RNLS: variants seen among roughly 807,000 people sequenced by gnomAD.
The protein encoded by RNLS is renalase.
RNLS carries 39 observed loss-of-function variants against 39.8 expected under a neutral mutation model. That is an observed-to-expected ratio of 0.98 (90% CI 0.76 to 1.28). The LOEUF is 1.28. RNLS is among the 50% of genes most tolerant of loss of function. RNLS has a pLI of 0.00. For missense variants in RNLS, 410 were observed against 413.3 expected (o/e 0.99, Z 0.07); for synonymous variants, 147 against 150.7 (o/e 0.98, Z 0.18).
At chr10:88,198,258 A>C in the RNLS span, among the ~76,000 whole-genome samples, 1 of 152,206 alleles carries the variant, frequency 6.6e-6, no homozygotes, top group Non-Finnish European at 1.5e-5. Context: ...ACCTGATGCC[A>C]AGAGAGCAGA....
chr10:88,377,020 C>T (rs1042433453), intron 4 of RNLS, among the ~76,000 whole-genome samples: 2 of 148,206 alleles, frequency 1.3e-5, no homozygotes, highest in South Asian at 2.1e-4. Context: ...ATTCATTAAA[C>T]GTAGTGAATT....
At chr10:88,204,949 T>C in the RNLS span, among the ~76,000 whole-genome samples, 86 of 152,252 alleles carry the variant, frequency 5.6e-4, 1 homozygote, top group South Asian at 0.016. Context: ...AATGAACAAT[T>C]GTAGCACACG....
At chr10:88,264,180 C>T in the RNLS span, among the ~76,000 whole-genome samples, 3 of 152,184 alleles carry the variant, frequency 2.0e-5, no homozygotes, top group South Asian at 4.2e-4. Context: ...AGTAGTATTC[C>T]ACAGTATATA....
intron 4 of RNLS, among the ~76,000 whole-genome samples, chr10:88,379,605 T>TA (rs920548532): frequency 6.6e-6 from 1 of 152,210 alleles, no homozygotes; most frequent in African/African-American, 2.4e-5. Flanking sequence ...GTTGCAACAA[T>TA]ATCTCCCATC....
intron 5 of RNLS, among the ~76,000 whole-genome samples, chr10:88,355,951 C>T (rs1368041133): frequency 1.3e-5 from 2 of 152,170 alleles, no homozygotes; most frequent in Admixed American, 6.5e-5. Flanking sequence ...CCTTGCAGTT[C>T]GATCTCAGAC....
chr10:88,515,489 T>C (rs540905382), intron 4 of RNLS, among the ~76,000 whole-genome samples: 1 of 152,172 alleles, frequency 6.6e-6, no homozygotes, highest in Middle Eastern at 3.4e-3. Flanking sequence ...AAGACTTGGC[T>C]AAAAGGCTGC....
the RNLS span, among the ~76,000 whole-genome samples, chr10:88,204,458 A>G: frequency 2.5e-4 from 38 of 152,208 alleles, 1 homozygote; most frequent in South Asian, 7.7e-3. Context: ...GATGACTTCT[A>G]TATTTGTTTC....
chr10:88,371,289 G>A (rs1467382986), intron 4 of RNLS, among the ~76,000 whole-genome samples: 1 of 151,906 alleles, frequency 6.6e-6, no homozygotes, highest in African/African-American at 2.4e-5. Context: ...AAGCCTTCAG[G>A]GGTGTCTATG....
At chr10:88,291,176 A>G (rs1019593475) in intron 6 of RNLS, among the ~76,000 whole-genome samples, 7 of 152,222 alleles carry the variant, frequency 4.6e-5, no homozygotes. Flanking sequence ...TTCTCAATGC[A>G]TGACAAGTCA....
chr10:88,341,052 C>T (rs1847902280), intron 5 of RNLS, among the ~76,000 whole-genome samples: 1 of 73,776 alleles, frequency 1.4e-5, no homozygotes, highest in African/African-American at 5.6e-5. Flanking sequence ...GAGCAAGATT[C>T]TGTCTCAAAA....
chr10:88,513,597 C>T (rs1846260106), intron 4 of RNLS, among the ~76,000 whole-genome samples: 1 of 152,084 alleles, frequency 6.6e-6, no homozygotes, highest in Non-Finnish European at 1.5e-5. Context: ...GATATCACTA[C>T]ACCTCCCCTG....
At chr10:88,378,205 A>G in intron 4 of RNLS, among the ~76,000 whole-genome samples, 1 of 152,222 alleles carries the variant, frequency 6.6e-6, no homozygotes, top group Non-Finnish European at 1.5e-5. Flanking sequence ...TTTTACAGCT[A>G]ACTAAAAAAA....
chr10:88,400,558 A>G (rs907372142), intron 4 of RNLS, among the ~76,000 whole-genome samples: 1 of 152,020 alleles, frequency 6.6e-6, no homozygotes, highest in African/African-American at 2.4e-5. Flanking sequence ...ATTTTGAAAC[A>G]TATCATATGA....
intron 4 of RNLS, among the ~76,000 whole-genome samples, chr10:88,472,969 A>C (rs1843629779): frequency 6.6e-6 from 1 of 152,194 alleles, no homozygotes; most frequent in South Asian, 2.1e-4. Context: ...AAGAAATATA[A>C]GGCAATTTTG....
intron 4 of RNLS, among the ~76,000 whole-genome samples, chr10:88,416,995 G>A (rs1367862693): frequency 6.6e-6 from 1 of 152,180 alleles, no homozygotes; most frequent in East Asian, 1.9e-4. Flanking sequence ...CTCTCTATGA[G>A]AATTTCCGCA....
At chr10:88,476,243 T>A (rs187967321) in intron 4 of RNLS, among the ~76,000 whole-genome samples, 259 of 152,330 alleles carry the variant, frequency 1.7e-3, no homozygotes, top group African/African-American at 5.4e-3. Flanking sequence ...TGGTGGTTGT[T>A]ACTGTTTTTC....
chr10:88,387,313 C>T (rs541672908), intron 4 of RNLS, among the ~76,000 whole-genome samples: 1 of 151,938 alleles, frequency 6.6e-6, no homozygotes, highest in African/African-American at 2.4e-5. Flanking sequence ...AGACCTGAAG[C>T]CCTAGCAACA....
At chr10:88,334,591 T>G (rs1847350043) in intron 5 of RNLS, among the ~76,000 whole-genome samples, 1 of 152,138 alleles carries the variant, frequency 6.6e-6, no homozygotes, top group Non-Finnish European at 1.5e-5. Flanking sequence ...ACAATGTAGA[T>G]GGGAGGAAAG....
intron 4 of RNLS, among the ~76,000 whole-genome samples, chr10:88,571,657 C>T (rs902680740): frequency 6.6e-6 from 1 of 152,208 alleles, no homozygotes; most frequent in Non-Finnish European, 1.5e-5. Context: ...AATGTATCCT[C>T]CCTGCCCCAG....
Sources: gnomAD v4.1 joint callset for allele counts (sites outside exome capture counted in the v4.1 genomes callset) on GRCh38, gnomAD v4.1.1 for gene constraint, MANE v1.5 for transcripts, NCBI Gene and HGNC (gene_info 2026-07-23, HGNC 2026-07-21) for gene names.